The following RYR2 variants were observed in gnomAD, a reference collection of about 807,000 sequenced individuals.
RYR2 encodes the protein cardiac muscle ryanodine receptor-calcium release channel.
In RYR2, 227 loss-of-function variants were observed where a neutral mutation model predicts 601.1. The ratio of observed to expected loss-of-function variants is 0.38; its 90% CI spans 0.34 to 0.42. The LOEUF (loss-of-function observed/expected upper bound fraction) is 0.42, where lower values mean the gene tolerates loss of function less well. Among genes scored for constraint, RYR2 ranks in the 10% least tolerant of loss-of-function variants. The probability of loss-of-function intolerance (pLI) is 1.00; values close to 1 mark genes in which losing one functional copy is unlikely to be tolerated. For synonymous variants in RYR2, 2,223 were observed against 2,175.1 expected (o/e 1.02, Z -0.61); for missense variants, 4,646 against 6,156.5 (o/e 0.75, Z 8.21).
At chr1:237,789,402 C>A (rs1658067977) in intron 92 of RYR2, among the ~76,000 whole-genome samples, 1 of 152,170 alleles carries the variant, frequency 6.6e-6, no homozygotes, top group Admixed American at 6.5e-5. Context: ...CCTAAACCAT[C>A]TTGTATTTTC....
chr1:237,825,920 G>A (rs989281692), intron 101 of RYR2, among the ~76,000 whole-genome samples: 1 of 151,518 alleles, frequency 6.6e-6, no homozygotes, highest in African/African-American at 2.4e-5. Flanking sequence ...TGAAAAATAG[G>A]TCATCACTGG....
intron 100 of RYR2, among the ~76,000 whole-genome samples, chr1:237,810,424 A>G (rs1661132668): frequency 6.6e-6 from 1 of 152,186 alleles, no homozygotes; most frequent in Admixed American, 6.5e-5. Context: ...TGAAAAAAAC[A>G]CTTTTTACCT....
intron 11 of RYR2, among the ~76,000 whole-genome samples, chr1:237,421,889 A>G (rs1022632470): frequency 1.3e-5 from 2 of 152,102 alleles, no homozygotes; most frequent in African/African-American, 4.8e-5. Flanking sequence ...ATCTGGCTGT[A>G]TACCTTTTGT....
intron 73 of RYR2, among the ~76,000 whole-genome samples, chr1:237,721,196 A>T (rs1689691367): frequency 2.0e-5 from 3 of 152,218 alleles, no homozygotes; most frequent in Non-Finnish European, 4.4e-5. Context: ...TTTATTAATT[A>T]TGTATTAAAT....
At chr1:237,435,234 A>G (rs960860297) in intron 12 of RYR2, among the ~76,000 whole-genome samples, 1 of 152,180 alleles carries the variant, frequency 6.6e-6, no homozygotes, top group Admixed American at 6.5e-5. Context: ...TGTGCTGAGC[A>G]CCTTTCATGC....
At chr1:237,083,404 C>A (rs1362221492) in intron 1 of RYR2, among the ~76,000 whole-genome samples, 1 of 152,150 alleles carries the variant, frequency 6.6e-6, no homozygotes, top group East Asian at 1.9e-4. Flanking sequence ...GCACTTCTAG[C>A]CTTTCACTCG....
In RYR2 at chr1:237,380,380, A is replaced by T. The variant is rs1439676963; in HGVS notation, c.576+2945A>T. 2.7e-4 allele frequency among the ~76,000 whole-genome samples: 4 copies of T among 14,562 alleles called. No homozygotes were observed. In the East Asian group the frequency reaches 0.013, roughly 47 times the overall value. 9.6% of individuals were successfully genotyped at this position (14,562 alleles called of 152,430 possible). A position where few individuals can be genotyped will look rare whatever the true frequency, so the allele number is the denominator to read the frequency against. On this transcript the variant is annotated intron_variant, in intron 8 of 104. Transcript: ENST00000366574. ...CACAAATATATATATATATATATAT[A>T]TATATATATATATATATATATATAT... is the stretch of plus-strand genomic sequence containing the variant.
intron 1 of RYR2, among the ~76,000 whole-genome samples, chr1:237,122,943 A>G (rs559142304): frequency 1.8e-4 from 27 of 152,334 alleles, no homozygotes; most frequent in African/African-American, 6.5e-4. Context: ...TAAAATTTTC[A>G]TGGACTCTGA....
chr1:237,047,399 T>TC (rs1403126066), intron 1 of RYR2, among the ~76,000 whole-genome samples: 1 of 151,184 alleles, frequency 6.6e-6, no homozygotes, highest in African/African-American at 2.4e-5. Context: ...CTTTTTTTTT[T>TC]TTTTTTTGCC....
At chr1:237,477,163 C>T (rs1258271435) in intron 17 of RYR2, among the ~76,000 whole-genome samples, 1 of 152,140 alleles carries the variant, frequency 6.6e-6, no homozygotes, top group African/African-American at 2.4e-5. Context: ...GAGGCCGAGG[C>T]AGGCGGATCA....
intron 95 of RYR2, among the ~76,000 whole-genome samples, chr1:237,794,726 G>T: frequency 6.6e-6 from 1 of 152,200 alleles, no homozygotes; most frequent in East Asian, 1.9e-4. Context: ...GTCAAATGGA[G>T]ATTATTTATA....
chr1:237,539,154 A>G (rs1382274595), intron 25 of RYR2, among the ~76,000 whole-genome samples: 1 of 152,242 alleles, frequency 6.6e-6, no homozygotes, highest in Non-Finnish European at 1.5e-5. Flanking sequence ...AATGTTCACA[A>G]GAAGATTAAT....
intron 17 of RYR2, among the ~76,000 whole-genome samples, chr1:237,473,826 G>A (rs1012572342): frequency 6.6e-6 from 1 of 151,442 alleles, no homozygotes; most frequent in Non-Finnish European, 1.5e-5. Context: ...CTCAACCGAC[G>A]GAGATACTGA....
At chr1:237,682,218 C>T (rs960756925) in intron 62 of RYR2, among the ~76,000 whole-genome samples, 1 of 152,062 alleles carries the variant, frequency 6.6e-6, no homozygotes, top group Non-Finnish European at 1.5e-5. Flanking sequence ...GGAAAAATTT[C>T]ATGGAACTAT....
intron 63 of RYR2, among the ~76,000 whole-genome samples, chr1:237,690,213 G>A (rs992611845): frequency 1.3e-5 from 2 of 152,126 alleles, no homozygotes; most frequent in African/African-American, 2.4e-5. Context: ...ACATATTATG[G>A]GCTGTAGATG....
chr1:237,526,584 C>A (rs1217011688), intron 24 of RYR2, among the ~76,000 whole-genome samples: 1 of 152,240 alleles, frequency 6.6e-6, no homozygotes, highest in African/African-American at 2.4e-5. Flanking sequence ...TGGGCTCAAG[C>A]AGTCCTCCTG....
chr1:237,308,702 G>C (rs1025068524), intron 2 of RYR2, among the ~76,000 whole-genome samples: 1 of 152,178 alleles, frequency 6.6e-6, no homozygotes, highest in African/African-American at 2.4e-5. Context: ...GCTCATAAAA[G>C]CAGTGCAGAC....
intron 44 of RYR2, among the ~76,000 whole-genome samples, chr1:237,635,823 C>G (rs949088576): frequency 6.6e-6 from 1 of 152,250 alleles, no homozygotes; most frequent in Admixed American, 6.5e-5. Flanking sequence ...TTTGCTTCAG[C>G]CACCCTTGTC....
chr1:237,647,264 C>T (rs80107454), intron 48 of RYR2, among the ~76,000 whole-genome samples: 3,848 of 152,236 alleles, frequency 0.025, 80 homozygotes, highest in Admixed American at 0.04. Flanking sequence ...GGACTAGTTA[C>T]TTCTCTAAAG....
Sources: gnomAD v4.1 joint callset for allele counts (sites outside exome capture counted in the v4.1 genomes callset) on GRCh38, gnomAD v4.1.1 for gene constraint, MANE v1.5 for transcripts, NCBI Gene and HGNC (gene_info 2026-07-23, HGNC 2026-07-21) for gene names.